The following CHST2 variants were observed in gnomAD, a reference collection of about 807,000 sequenced individuals.
CHST2 encodes carbohydrate sulfotransferase 2.
CHST2 carries 23 observed loss-of-function variants against 34.6 expected under a neutral mutation model. That is an observed-to-expected ratio of 0.67 (90% confidence interval 0.48 to 0.94). The LOEUF is 0.94. Ranked by LOEUF, CHST2 falls within the 40% of genes least tolerant of loss-of-function variation. The pLI is 0.00. For missense variants in CHST2, 720 were observed against 759.5 expected (o/e 0.95, Z 0.61); for synonymous variants, 392 against 343.1 (o/e 1.14, Z -1.58).
chr3:143,120,710 C>T lies in CHST2; in HGVS notation c.-107C>T. On this transcript the variant is annotated 5_prime_UTR_variant, in exon 2 of 2. Coordinates refer to ENST00000309575, the MANE Select transcript of CHST2 (RefSeq NM_004267.5). This position sits in a 1 kb window ranked among gnomAD's most constrained non-coding sequence, Gnocchi z 4.1. Reference sequence around the variant, plus strand: ...CGCTGGGGACCAGCCGCCGCGCCCGCCTCGGAGTCGCGGCCCGAGTCCCGG... The same window carrying T: ...CGCTGGGGACCAGCCGCCGCGCCCGTCTCGGAGTCGCGGCCCGAGTCCCGG... The T allele has an allele frequency of 9.2e-7, 1 of 1,081,382 alleles. No individual in the cohort carries two copies. Among genetic ancestry groups the T allele is most frequent in the Non-Finnish European group, 1.2e-6 (1 of 868,772 alleles). 67.0% of individuals were successfully genotyped at this position (1,081,382 alleles called of 1,614,324 possible).
Position 143,120,650 on chromosome 3 carries a change from C to A in CHST2, c.-167C>A. The stretch of plus-strand genomic sequence containing the variant: ...ACTCCGCTTCCCCTCGCAGGTCCTA[C>A]CCGGAGCCGCTGCCATGGGAGAGCC... On this transcript the variant is annotated 5_prime_UTR_variant, in exon 2 of 2. Coordinates refer to ENST00000309575, the MANE Select transcript of CHST2 (RefSeq NM_004267.5). This position sits in a 1 kb window ranked among gnomAD's most constrained non-coding sequence, Gnocchi z 4.1. 2.0e-6 allele frequency: 1 copy of A among 504,688 alleles called. No homozygotes were observed. The highest frequency in any genetic ancestry group is 2.9e-6 in the Non-Finnish European group (1 of 346,440). The allele number at this position is 504,688 out of a possible 1,614,324, so 31.3% of individuals were successfully genotyped here.
chr3:143,123,080 G>T lies in CHST2; in HGVS notation c.*671G>T. The T allele has an allele frequency of 6.2e-6, 1 of 161,064 alleles. No individual in the cohort carries two copies. The allele number at this position is 161,064 out of a possible 1,614,324, so 10.0% of individuals were successfully genotyped here. ...TTTCCAGTCTCTTTCCTGAAAGGCA[G>T]CTAAACTGGGTGGGAGCAATTTTTG... On this transcript the variant is annotated 3_prime_UTR_variant, in exon 2 of 2. Coordinates refer to ENST00000309575, the MANE Select transcript of CHST2 (RefSeq NM_004267.5).
At position 143,122,369 on chromosome 3, in the gene CHST2, A is replaced by G. The variant is rs1335927912; in HGVS notation, c.1553A>G (p.Lys518Arg). The change falls in exon 2 of 2, where the codon AAA becomes AGA. Residue 518 changes from lysine to arginine, a missense_variant. This residue lies in a region of CHST2 where 224 missense variants were observed against 227.8 expected (regional missense o/e 0.98). Coordinates refer to ENST00000309575, the MANE Select transcript of CHST2 (RefSeq NM_004267.5). ...YERVNSPEEV[K>R]DLSKTLLRKP... is the part of the protein sequence containing the mutation. ...CGGGTCAACAGCCCTGAGGAGGTCA[A>G]AGACCTCAGCAAGACCCTGCTTCGG... is the stretch of plus-strand genomic sequence containing the variant. 4 of 1,611,914 alleles carry G rather than the reference A, an allele frequency of 2.5e-6. No individual in the cohort carries two copies. The highest frequency in any genetic ancestry group is 3.4e-6 in the Non-Finnish European group (4 of 1,179,130).
rs1314933397 is a variant in CHST2 at position 143,120,368 on chromosome 3, G to C, written c.-347G>C. ...GAAAGTTTTTCTTCCCGAGCCGCAG[G>C]GCGCCCGCTGCCCGGAAACTGCCCA... On this transcript the variant is annotated 5_prime_UTR_variant, in exon 1 of 2. Coordinates refer to ENST00000309575, the MANE Select transcript of CHST2 (RefSeq NM_004267.5). The surrounding 1 kb of genome is among the most constrained non-coding windows in gnomAD (Gnocchi z 4.1). The C allele has an allele frequency of 6.5e-6, 1 of 153,288 alleles. No homozygotes were observed. The highest frequency in any genetic ancestry group is 1.5e-5 in the Non-Finnish European group (1 of 68,772). The allele number at this position is 153,288 out of a possible 1,614,324, so 9.5% of individuals were successfully genotyped here.
Position 143,120,925 on chromosome 3 carries a change from C to T in CHST2, c.109C>T (p.Pro37Ser). The change falls in exon 2 of 2, where the codon CCA (proline) becomes TCA (serine). Residue 37 changes from proline to serine, a missense_variant. By Grantham distance (74) the Pro-to-Ser change is moderately conservative. Around this residue, in one of 4 missense-constraint regions of CHST2, gnomAD observed 287 missense variants for 242.7 expected, o/e 1.18. Coordinates refer to ENST00000309575, the MANE Select transcript of CHST2 (RefSeq NM_004267.5). The surrounding 1 kb of genome is among the most constrained non-coding windows in gnomAD (Gnocchi z 4.1). Reference protein sequence around the residue: ...RALLPQWPRRPGRRWPASPLG... With the variant: ...RALLPQWPRRSGRRWPASPLG... Reference sequence around the variant, plus strand: ...CCTGCTCCCGCAGTGGCCCCGGCGCCCAGGACGCCGCTGGCCCGCGTCCCC... The same window carrying T: ...CCTGCTCCCGCAGTGGCCCCGGCGCTCAGGACGCCGCTGGCCCGCGTCCCC... 6.6e-7 allele frequency: 1 copy of T among 1,518,110 alleles called. No homozygotes were observed. The allele number at this position is 1,518,110 out of a possible 1,614,324, so 94.0% of individuals were successfully genotyped here.
rs75793283 is a variant in CHST2, at chr3:143,122,622, C to G, written c.*213C>G. The G allele has an allele frequency of 2.2e-3, 1,018 of 466,502 alleles. 13 individuals are homozygous for G. Among genetic ancestry groups the G allele is most frequent in the African/African-American group, 0.018 (916 of 49,550 alleles). 28.9% of individuals were successfully genotyped at this position (466,502 alleles called of 1,614,324 possible). On this transcript the variant is annotated 3_prime_UTR_variant, in exon 2 of 2. Coordinates refer to ENST00000309575, the MANE Select transcript of CHST2 (RefSeq NM_004267.5). ...TACACACCCCTAAGAAAAGGCAAGA[C>G]TTGAACGTTCTGACCAGGTGCCCCT...
At position 143,121,104 on chromosome 3, in the gene CHST2, G is replaced by T; in HGVS notation, c.288G>T (p.Ala96=). 1 of 1,493,182 alleles carries T rather than the reference G, an allele frequency of 6.7e-7. No homozygotes were observed. The highest frequency in any genetic ancestry group is 1.3e-5 in the South Asian group (1 of 77,570). 92.5% of individuals were successfully genotyped at this position (1,493,182 alleles called of 1,614,324 possible). A position where few individuals can be genotyped will look rare whatever the true frequency, so the allele number is the denominator to read the frequency against. Residue 96 remains alanine, a synonymous_variant, in exon 2 of 2, where the codon GCG becomes GCT. Transcript: ENST00000309575. ...CCGATGGGCCGCTGGGTGCCGCAGC[G>T]GGGGCAGCCGGAGGCAGCTGGGGGC... The part of the protein sequence containing the change: ...CNPDGPLGAA[A]GAAGGSWGRP...
Position 143,122,130 on chromosome 3 carries a change from A to G in CHST2, c.1314A>G (p.Arg438=). 4 of 1,614,074 alleles carry G rather than the reference A, an allele frequency of 2.5e-6. No individual in the cohort carries two copies. The highest frequency in any genetic ancestry group is 3.4e-6 in the Non-Finnish European group (4 of 1,180,008). ...GAGACCCCGTCAAGACACTACGGAG[A>G]GTGTACGATTTTGTGGGACTGTTGG... ...LVGDPVKTLR[R]VYDFVGLLVS... is the part of the protein sequence containing the mutation. The change falls in exon 2 of 2, where the codon AGA becomes AGG. Residue 438 remains arginine, a synonymous_variant. Transcript: ENST00000309575.
rs1403173059 is a variant in CHST2 at position 143,119,860 on chromosome 3, G to GGCGGCT, written c.-849_-844dup. On this transcript the variant is annotated 5_prime_UTR_variant, in exon 1 of 2. Transcript: ENST00000309575. ...CTGGGCGCCGCTTTCGCGCGGCGGC[G>GGCGGCT]GCGGCTGCGGCGGGGTCTTTCTTTG... The GGCGGCT allele has an allele frequency of 1.2e-4, 18 of 152,894 alleles. No individual in the cohort carries two copies. The highest frequency in any genetic ancestry group is 2.6e-4 in the Non-Finnish European group (18 of 68,570). The allele number at this position is 152,894 out of a possible 1,614,324, so 9.5% of individuals were successfully genotyped here.
At position 143,123,043 on chromosome 3, in the gene CHST2, C is replaced by G. The variant is rs557427706; in HGVS notation, c.*634C>G. On this transcript the variant is annotated 3_prime_UTR_variant, in exon 2 of 2. Coordinates refer to ENST00000309575, the MANE Select transcript of CHST2 (RefSeq NM_004267.5). ...TTCAGATAGAATCTCCTTCCCCTCC[C>G]TCGTTTCCATTTTTCCAGTCTCTTT... 6.0e-6 allele frequency: 1 copy of G among 165,344 alleles called. No homozygotes were observed. The highest frequency in any genetic ancestry group is 2.4e-5 in the African/African-American group (1 of 41,578). The allele number at this position is 165,344 out of a possible 1,614,324, so 10.2% of individuals were successfully genotyped here.
chr3:143,120,043 G>T lies in CHST2; in HGVS notation c.-672G>T, dbSNP rs531787524. The T allele has an allele frequency of 2.1e-4, 32 of 152,530 alleles. No individual in the cohort carries two copies. Among genetic ancestry groups the T allele is most frequent in the African/African-American group, 5.8e-4 (24 of 41,394 alleles). The allele number at this position is 152,530 out of a possible 1,614,324, so 9.4% of individuals were successfully genotyped here. A position where few individuals can be genotyped will look rare whatever the true frequency, so the allele number is the denominator to read the frequency against. ...GCGGCGGGGGTTGCCTGCGCTGTCC[G>T]CCCGGGCATCCTCCCGGTGATGGAA... On this transcript the variant is annotated 5_prime_UTR_variant, in exon 1 of 2. Coordinates refer to ENST00000309575, the MANE Select transcript of CHST2 (RefSeq NM_004267.5). The surrounding 1 kb of genome is among the most constrained non-coding windows in gnomAD (Gnocchi z 4.1).
At position 143,121,206 on chromosome 3, in the gene CHST2, TGCCGCCGTCGGGGCGGCTCCTGCA is replaced by T. The variant is rs1193633262; in HGVS notation, c.396_419del (p.Val133_Ala140del). On this transcript the variant is annotated inframe_deletion, in exon 2 of 2. Coordinates refer to ENST00000309575, the MANE Select transcript of CHST2 (RefSeq NM_004267.5). ...TCCGCACTCCTTACCGCCCTCCCGC[TGCCGCCGTCGGGGCGGCTCCTGCA>T]GCCGCGGCAGGGATGGCGGGGGTTG... is the stretch of plus-strand genomic sequence containing the variant. The T allele has an allele frequency of 6.4e-7, 1 of 1,564,902 alleles. No homozygotes were observed. The highest frequency in any genetic ancestry group is 1.2e-5 in the South Asian group (1 of 85,460).
At position 143,121,183 on chromosome 3, in the gene CHST2, C is replaced by T; in HGVS notation, c.367C>T (p.Arg123Cys). The change falls in exon 2 of 2, where the codon CGC becomes TGC. Residue 123 changes from arginine (R) to cysteine (C), a missense_variant. Physicochemically the swap from Arg to Cys is radical, Grantham distance 180. This residue lies in a region of CHST2 where 287 missense variants were observed against 242.7 expected (regional missense o/e 1.18). Coordinates refer to ENST00000309575, the MANE Select transcript of CHST2 (RefSeq NM_004267.5). ...PPRAHARLDL[R>C]TPYRPPAAAV... Reference sequence around the variant, plus strand: ...CCGTGCTCATGCCCGTTTGGACCTCCGCACTCCTTACCGCCCTCCCGCTGC... The same window carrying T: ...CCGTGCTCATGCCCGTTTGGACCTCTGCACTCCTTACCGCCCTCCCGCTGC... The T allele has an allele frequency of 1.9e-6, 3 of 1,539,806 alleles. No homozygotes were observed. Among genetic ancestry groups the T allele is most frequent in the Non-Finnish European group, 2.6e-6 (3 of 1,149,570 alleles).
rs1936206560 is a variant in CHST2 at position 143,121,083 on chromosome 3, T to C, written c.267T>C (p.Asp89=). The stretch of plus-strand genomic sequence containing the variant: ...AGCCGCTGCAGCAGTGCAACCCCGA[T>C]GGGCCGCTGGGTGCCGCAGCGGGGG... ...HKEPLQQCNP[D]GPLGAAAGAA... is the part of the protein sequence containing the mutation. The change falls in exon 2 of 2, where the codon GAT becomes GAC. Residue 89 remains aspartate (D), a synonymous_variant. Transcript: ENST00000309575. The C allele has an allele frequency of 1.3e-6, 2 of 1,506,628 alleles. No individual in the cohort carries two copies. The highest frequency in any genetic ancestry group is 1.8e-6 in the Non-Finnish European group (2 of 1,130,542). The allele number at this position is 1,506,628 out of a possible 1,614,324, so 93.3% of individuals were successfully genotyped here. A position where few individuals can be genotyped will look rare whatever the true frequency, so the allele number is the denominator to read the frequency against.
In CHST2 at chr3:143,123,632, T is replaced by C. The variant is rs752105616; in HGVS notation, c.*1223T>C. The C allele has an allele frequency of 3.9e-5, 6 of 152,228 alleles. No individual in the cohort carries two copies. Among genetic ancestry groups the C allele is most frequent in the Non-Finnish European group, 8.8e-5 (6 of 68,038 alleles). The allele number at this position is 152,228 out of a possible 1,614,324, so 9.4% of individuals were successfully genotyped here. ...CCATTTAAATCAGTGCAAGAGAGAA[T>C]ATGAATTTATAATGCTTTACTTGGG... On this transcript the variant is annotated 3_prime_UTR_variant, in exon 2 of 2. Coordinates refer to ENST00000309575, the MANE Select transcript of CHST2 (RefSeq NM_004267.5).
chr3:143,121,087 C>T lies in CHST2; in HGVS notation c.271C>T (p.Pro91Ser). The T allele has an allele frequency of 6.6e-7, 1 of 1,503,960 alleles. No individual in the cohort carries two copies. The allele number at this position is 1,503,960 out of a possible 1,614,324, so 93.2% of individuals were successfully genotyped here. The change falls in exon 2 of 2, where the codon CCG (proline) becomes TCG (serine). Residue 91 changes from proline (P) to serine (S), a missense_variant. Pro to Ser is a moderately conservative substitution (Grantham distance 74). Around this residue, in one of 4 missense-constraint regions of CHST2, gnomAD observed 287 missense variants for 242.7 expected, o/e 1.18. Coordinates refer to ENST00000309575, the MANE Select transcript of CHST2 (RefSeq NM_004267.5). ...GCTGCAGCAGTGCAACCCCGATGGG[C>T]CGCTGGGTGCCGCAGCGGGGGCAGC... Reference protein sequence around the residue: ...EPLQQCNPDGPLGAAAGAAGG... With the variant: ...EPLQQCNPDGSLGAAAGAAGG...
In CHST2 at chr3:143,121,818, C is replaced by T. The variant is rs1430980461; in HGVS notation, c.1002C>T (p.Pro334=). ...AGGTCATCCACTTGGTGCGTGATCC[C>T]CGCGCGGTGGCGAGTTCACGGATCC... is the stretch of plus-strand genomic sequence containing the variant. ...DLKVIHLVRD[P]RAVASSRIRS... is the part of the protein sequence containing the mutation. Residue 334 remains proline, a synonymous_variant, in exon 2 of 2, where the codon CCC becomes CCT. Transcript: ENST00000309575. 1 of 1,598,718 alleles carries T rather than the reference C, an allele frequency of 6.3e-7. No homozygotes were observed.
Position 143,121,618 on chromosome 3 carries a change from C to G in CHST2, c.802C>G (p.Arg268Gly), listed in dbSNP as rs1185953757. The G allele has an allele frequency of 6.3e-7, 1 of 1,588,790 alleles. No individual in the cohort carries two copies. The highest frequency in any genetic ancestry group is 8.6e-7 in the Non-Finnish European group (1 of 1,164,484). Residue 268 changes from arginine (R) to glycine (G), a missense_variant, in exon 2 of 2, where the codon CGC becomes GGC. Physicochemically the swap from Arg to Gly is moderately radical, Grantham distance 125. Around this residue, in one of 4 missense-constraint regions of CHST2, gnomAD observed 166 missense variants for 211.4 expected, o/e 0.79. Coordinates refer to ENST00000309575, the MANE Select transcript of CHST2 (RefSeq NM_004267.5). ...VCSSPLCPAY[R>G]KEVVGLVDDR... ...CTCGTCACCACTCTGCCCCGCCTAC[C>G]GCAAGGAGGTCGTGGGGTTGGTGGA...
In CHST2 at chr3:143,121,180, C is replaced by T. The variant is rs755707945; in HGVS notation, c.364C>T (p.Leu122Phe). The stretch of plus-strand genomic sequence containing the variant: ...GCCCCGTGCTCATGCCCGTTTGGAC[C>T]TCCGCACTCCTTACCGCCCTCCCGC... Reference protein sequence around the residue: ...GPPRAHARLDLRTPYRPPAAA... With the variant: ...GPPRAHARLDFRTPYRPPAAA... The change falls in exon 2 of 2, where the codon CTC becomes TTC. Residue 122 changes from leucine (L) to phenylalanine (F), a missense_variant. Physicochemically the swap from Leu to Phe is conservative, Grantham distance 22. Around this residue, in one of 4 missense-constraint regions of CHST2, gnomAD observed 287 missense variants for 242.7 expected, o/e 1.18. Coordinates refer to ENST00000309575, the MANE Select transcript of CHST2 (RefSeq NM_004267.5). 358 of 1,532,228 alleles carry T rather than the reference C, an allele frequency of 2.3e-4. No individual in the cohort carries two copies. The highest frequency in any genetic ancestry group is 2.9e-4 in the Non-Finnish European group (338 of 1,146,868). The allele number at this position is 1,532,228 out of a possible 1,614,324, so 94.9% of individuals were successfully genotyped here. A position where few individuals can be genotyped will look rare whatever the true frequency, so the allele number is the denominator to read the frequency against.
Sources: allele counts gnomAD v4.1 joint callset, GRCh38; gene constraint gnomAD v4.1.1; regional missense constraint gnomAD v4.1.1; non-coding constraint Gnocchi (gnomAD v3.1); transcripts MANE v1.5; gene names NCBI Gene and HGNC (gene_info 2026-07-23, HGNC 2026-07-21).